FGF13: variants seen among roughly 807,000 people sequenced by gnomAD.
FGF13 encodes fibroblast growth factor 13, also known as fibroblast growth factor homologous factor 2.
A neutral mutation model predicts 19.5 loss-of-function variants in FGF13; 2 were observed. That is an observed-to-expected ratio of 0.10 (90% CI 0.04 to 0.32). The LOEUF (loss-of-function observed/expected upper bound fraction) is 0.32, where lower values mean the gene tolerates loss of function less well. Ranked by LOEUF, FGF13 falls within the 10% of genes least tolerant of loss-of-function variation. The pLI, the probability that FGF13 is intolerant of heterozygous loss-of-function variation, is 1.00. For synonymous variants in FGF13, 72 were observed against 76.9 expected (o/e 0.94, Z 0.33); for missense variants, 113 against 192.7 (o/e 0.59, Z 2.45).
intron 1 of FGF13, among the ~76,000 whole-genome samples, chrX:139,191,684 C>T (rs1391458422): frequency 4.5e-5 from 5 of 111,702 alleles, no homozygotes; most frequent in Non-Finnish European, 9.4e-5. Context: ...CCAACACTCA[C>T]ACTCCTGCTT....
chrX:138,711,634 C>G lies in FGF13; in HGVS notation c.-631G>C. 1 of 754,873 alleles carries G rather than the reference C, an allele frequency of 1.3e-6. No homozygotes were observed. The highest frequency in any genetic ancestry group is 1.6e-6 in the Non-Finnish European group (1 of 639,090). The allele number at this position is 754,873 out of a possible 1,213,427, so 62.2% of individuals were successfully genotyped here. ...GATCAAACAGGTAATGGCCTCGCAT[C>G]TTCGCTGTTGCTGCTGCTCTGGGCG... On this transcript the variant is annotated 5_prime_UTR_variant, in exon 1 of 5. Coordinates refer to ENST00000315930, the MANE Select transcript of FGF13 (RefSeq NM_004114.5).
chrX:139,146,689 A>G (rs2083892582), intron 1 of FGF13, among the ~76,000 whole-genome samples: 1 of 111,874 alleles, frequency 8.9e-6, no homozygotes, highest in African/African-American at 3.3e-5. Flanking sequence ...TAGCGGCACT[A>G]CTCACAATAG....
At chrX:138,637,317 G>A (rs1379169024) in intron 3 of FGF13, among the ~76,000 whole-genome samples, 2 of 112,618 alleles carry the variant, frequency 1.8e-5, no homozygotes, top group African/African-American at 3.2e-5. Flanking sequence ...CTTTAGTGAT[G>A]AGGACAAGTA....
At chrX:139,010,321 G>C (rs2092122908) in intron 1 of FGF13, among the ~76,000 whole-genome samples, 1 of 111,187 alleles carries the variant, frequency 9.0e-6, no homozygotes, top group Non-Finnish European at 1.9e-5. Context: ...ATACTTGCAG[G>C]ACATTCTACC....
intron 1 of FGF13, among the ~76,000 whole-genome samples, chrX:139,185,227 T>C (rs1027222551): frequency 6.2e-5 from 7 of 112,107 alleles, no homozygotes; most frequent in African/African-American, 1.9e-4. Context: ...TTATGGCAAA[T>C]CATGAAATCC....
At chrX:138,897,880 G>A (rs940430016) in intron 1 of FGF13, among the ~76,000 whole-genome samples, 2 of 111,073 alleles carry the variant, frequency 1.8e-5, no homozygotes, top group South Asian at 7.8e-4. Flanking sequence ...TGTGATAAAG[G>A]AACCCAAAAG....
chrX:138,705,742 AT>A (rs1468302892), intron 2 of FGF13, among the ~76,000 whole-genome samples: 2 of 112,065 alleles, frequency 1.8e-5, no homozygotes, highest in East Asian at 5.6e-4. Flanking sequence ...CTTAAACCAA[AT>A]AAATATCCTC....
chrX:138,674,511 G>C (rs1056156957), intron 3 of FGF13, among the ~76,000 whole-genome samples: 2 of 110,994 alleles, frequency 1.8e-5, no homozygotes, highest in Admixed American at 1.9e-4. Flanking sequence ...TTATTATGAG[G>C]TCTGCATCAC....
chrX:138,958,918 C>A (rs1414872157), intron 1 of FGF13, among the ~76,000 whole-genome samples: 2 of 111,488 alleles, frequency 1.8e-5, no homozygotes, highest in Non-Finnish European at 3.8e-5. Context: ...CTCTTTTCCT[C>A]TTTATTAGTC....
chrX:139,098,640 C>T (rs2083486648), intron 1 of FGF13, among the ~76,000 whole-genome samples: 2 of 111,529 alleles, frequency 1.8e-5, no homozygotes, highest in Non-Finnish European at 3.8e-5. Context: ...AACAGAAAAC[C>T]AATACTGCAT....
intron 1 of FGF13, among the ~76,000 whole-genome samples, chrX:139,171,407 A>C (rs1397981815): frequency 8.9e-6 from 1 of 112,247 alleles, no homozygotes; most frequent in African/African-American, 3.2e-5. Context: ...TTGTGAAAGA[A>C]ACAAGTGCAA....
At chrX:138,931,685 T>C in intron 1 of FGF13, among the ~76,000 whole-genome samples, 1 of 111,733 alleles carries the variant, frequency 8.9e-6, no homozygotes, top group Admixed American at 9.5e-5. Flanking sequence ...GCTGTTCGTA[T>C]ACAAAAGCCT....
intron 1 of FGF13, among the ~76,000 whole-genome samples, chrX:139,053,983 T>G (rs956775631): frequency 3.2e-4 from 35 of 110,969 alleles, no homozygotes; most frequent in Non-Finnish European, 1.5e-4. Flanking sequence ...GGCCAGCCAA[T>G]TATCCCAGCA....
At chrX:139,033,976 C>A (rs1445743473) in intron 1 of FGF13, among the ~76,000 whole-genome samples, 3 of 111,718 alleles carry the variant, frequency 2.7e-5, no homozygotes, top group Non-Finnish European at 5.7e-5. Flanking sequence ...GCTACAGGGT[C>A]CACATACTGT....
chrX:138,933,755 T>C (rs1003650742), intron 1 of FGF13, among the ~76,000 whole-genome samples: 1 of 111,684 alleles, frequency 9.0e-6, no homozygotes, highest in African/African-American at 3.3e-5. Context: ...ATTCCAGAAA[T>C]ATTTTCATCA....
At chrX:139,155,996 C>T (rs1467966282) in intron 1 of FGF13, among the ~76,000 whole-genome samples, 1 of 111,866 alleles carries the variant, frequency 8.9e-6, no homozygotes. Flanking sequence ...TCAGGGTGAG[C>T]CCTGGGCAGC....
intron 1 of FGF13, among the ~76,000 whole-genome samples, chrX:138,995,309 T>G (rs1170262278): frequency 8.9e-6 from 1 of 112,081 alleles, no homozygotes; most frequent in Non-Finnish European, 1.9e-5. Context: ...TTTTGATTTT[T>G]ATTTATTTTT....
intron 1 of FGF13, among the ~76,000 whole-genome samples, chrX:139,130,362 GC>G (rs1396302905): frequency 1.8e-5 from 2 of 112,052 alleles, no homozygotes; most frequent in African/African-American, 3.2e-5. Flanking sequence ...TTAAATTAAT[GC>G]CAAAGTATTT....
At chrX:139,164,810 T>C (rs1452939310) in intron 1 of FGF13, among the ~76,000 whole-genome samples, 1 of 111,426 alleles carries the variant, frequency 9.0e-6, no homozygotes, top group Non-Finnish European at 1.9e-5. Flanking sequence ...TTAGCCACAT[T>C]GATAAATAAA....
Sources: allele counts gnomAD v4.1 joint callset (sites outside exome capture counted in the v4.1 genomes callset), GRCh38; gene constraint gnomAD v4.1.1; transcripts MANE v1.5; gene names NCBI Gene and HGNC (gene_info 2026-07-23, HGNC 2026-07-21).